ASCC3: variants seen among roughly 807,000 people sequenced by gnomAD.
The protein encoded by ASCC3 is activating signal cointegrator 1 complex subunit 3.
In ASCC3, 158 loss-of-function variants were observed where a neutral mutation model predicts 256.3. The observed-to-expected ratio is 0.62, with a 90% CI of 0.54 to 0.70. The LOEUF (loss-of-function observed/expected upper bound fraction) is 0.70. ASCC3 is among the 30% of genes least tolerant of loss of function. The probability of loss-of-function intolerance (pLI) is 0.00; values close to 1 mark genes in which losing one functional copy is unlikely to be tolerated. For synonymous variants in ASCC3, 948 were observed against 883.4 expected (o/e 1.07, Z -1.30); for missense variants, 2,259 against 2,626.0 (o/e 0.86, Z 3.05).
At chr6:100,651,076 T>C (rs1341304933) in intron 19 of ASCC3, among the ~76,000 whole-genome samples, 1 of 151,802 alleles carries the variant, frequency 6.6e-6, no homozygotes, top group Non-Finnish European at 1.5e-5. Flanking sequence ...TTAGGGCAAC[T>C]TGAATTATCT....
At chr6:100,752,062 C>T (rs1018313055) in intron 10 of ASCC3, among the ~76,000 whole-genome samples, 3 of 152,084 alleles carry the variant, frequency 2.0e-5, no homozygotes, top group Non-Finnish European at 4.4e-5. Context: ...GTTTCTGCCT[C>T]TTACCCTTAA....
At chr6:100,806,324 T>C (rs1267244996) in intron 4 of ASCC3, among the ~76,000 whole-genome samples, 1 of 152,030 alleles carries the variant, frequency 6.6e-6, no homozygotes, top group Non-Finnish European at 1.5e-5. Context: ...CATGACTTCG[T>C]GCCAATTTTT....
At chr6:100,845,723 A>C (rs1421346346) in intron 4 of ASCC3, among the ~76,000 whole-genome samples, 2 of 152,188 alleles carry the variant, frequency 1.3e-5, no homozygotes, top group Non-Finnish European at 1.5e-5. Flanking sequence ...TGGTAAATGT[A>C]ATCATATGAA....
rs1189826535 is a variant in ASCC3 at position 100,836,535 on chromosome 6, T to C, written c.801+11613A>G. ...TGTCCTTCATTCTATTCATGTGATA[T>C]ATTATGTTTATTTATTTGCATATTT... On this transcript the variant is annotated intron_variant, in intron 4 of 41. Transcript: ENST00000369162. 3.9e-5 allele frequency among the ~76,000 whole-genome samples: 6 copies of C among 152,122 alleles called. No individual in the cohort carries two copies. In the East Asian group the frequency reaches 1.2e-3, roughly 29 times the overall value.
intron 38 of ASCC3, among the ~76,000 whole-genome samples, chr6:100,517,310 C>T (rs530795339): frequency 2.6e-5 from 4 of 152,184 alleles, no homozygotes; most frequent in Admixed American, 6.5e-5. Context: ...CGGCAAGCTA[C>T]GGCCAGATTG....
chr6:100,516,557 T>C (rs2114611223), intron 38 of ASCC3, among the ~76,000 whole-genome samples: 1 of 152,272 alleles, frequency 6.6e-6, no homozygotes, highest in East Asian at 1.9e-4. Flanking sequence ...AGTCAGTAAA[T>C]ACTTAGGGTT....
intron 4 of ASCC3, among the ~76,000 whole-genome samples, chr6:100,810,845 C>T (rs1770428414): frequency 6.6e-6 from 1 of 152,068 alleles, no homozygotes; most frequent in Non-Finnish European, 1.5e-5. Flanking sequence ...AGAGATGACA[C>T]TAAATCTACA....
intron 13 of ASCC3, among the ~76,000 whole-genome samples, chr6:100,697,780 A>G (rs1039026115): frequency 2.6e-5 from 4 of 152,244 alleles, no homozygotes; most frequent in Admixed American, 6.5e-5. Flanking sequence ...ATTTGCCATC[A>G]GCAGAAAGGC....
At chr6:100,817,521 A>T (rs1161846531) in intron 4 of ASCC3, among the ~76,000 whole-genome samples, 1 of 152,084 alleles carries the variant, frequency 6.6e-6, no homozygotes, top group African/African-American at 2.4e-5. Context: ...AATTAACAAA[A>T]CTTTAGCTAG....
At chr6:100,864,603 A>G in intron 2 of ASCC3, among the ~76,000 whole-genome samples, 1 of 152,310 alleles carries the variant, frequency 6.6e-6, no homozygotes, top group East Asian at 1.9e-4. Context: ...GTGTATATAA[A>G]TAAGAGCTTT....
intron 36 of ASCC3, among the ~76,000 whole-genome samples, chr6:100,566,771 G>T (rs1289794475): frequency 1.3e-5 from 2 of 152,042 alleles, no homozygotes; most frequent in African/African-American, 4.8e-5. Flanking sequence ...AACAGCTTTA[G>T]AAAAAGAAAG....
intron 4 of ASCC3, among the ~76,000 whole-genome samples, chr6:100,842,915 T>C (rs1002815387): frequency 1.3e-5 from 2 of 152,014 alleles, no homozygotes; most frequent in African/African-American, 4.8e-5. Flanking sequence ...TTACAGGTTA[T>C]AGTAAACTAT....
chr6:100,545,265 C>A (rs1321806794), intron 36 of ASCC3, among the ~76,000 whole-genome samples: 1 of 151,890 alleles, frequency 6.6e-6, no homozygotes, highest in Non-Finnish European at 1.5e-5. Flanking sequence ...GCAACCTCTA[C>A]CTCCCAGGTT....
intron 4 of ASCC3, among the ~76,000 whole-genome samples, chr6:100,840,963 G>A (rs1269116611): frequency 6.6e-6 from 1 of 151,762 alleles, no homozygotes; most frequent in Non-Finnish European, 1.5e-5. Flanking sequence ...AAAATTGATT[G>A]GTATCTAATA....
chr6:100,566,562 C>T (rs1770261483), intron 36 of ASCC3, among the ~76,000 whole-genome samples: 1 of 152,182 alleles, frequency 6.6e-6, no homozygotes, highest in Admixed American at 6.5e-5. Context: ...TATCCAACAG[C>T]AACCTCCTTA....
chr6:100,779,216 GA>G (rs553664134), intron 8 of ASCC3, among the ~76,000 whole-genome samples: 5 of 151,872 alleles, frequency 3.3e-5, no homozygotes, highest in Admixed American at 1.3e-4. Context: ...GAAGCAACAT[GA>G]AAAAAATCCT....
intron 5 of ASCC3, among the ~76,000 whole-genome samples, chr6:100,803,381 TAA>T (rs891989584): frequency 5.9e-5 from 9 of 152,256 alleles, no homozygotes; most frequent in Admixed American, 1.3e-4. Context: ...GATAGTTTTA[TAA>T]GTGTTTGGCA....
intron 14 of ASCC3, among the ~76,000 whole-genome samples, chr6:100,662,987 G>A (rs1189668234): frequency 6.6e-6 from 1 of 152,038 alleles, no homozygotes; most frequent in African/African-American, 2.4e-5. Flanking sequence ...GCTTTTCTGA[G>A]TATATTTTCC....
At chr6:100,534,602 T>A (rs529667902) in intron 37 of ASCC3, among the ~76,000 whole-genome samples, 1 of 152,324 alleles carries the variant, frequency 6.6e-6, no homozygotes, top group Admixed American at 6.5e-5. Flanking sequence ...TAAACAAATT[T>A]TAAAAATTGA....
Sources: gnomAD v4.1 joint callset for allele counts (sites outside exome capture counted in the v4.1 genomes callset) on GRCh38, gnomAD v4.1.1 for gene constraint, MANE v1.5 for transcripts, NCBI Gene and HGNC (gene_info 2026-07-23, HGNC 2026-07-21) for gene names.